Variants in BBX observed in about 807,000 individuals in gnomAD.
The protein encoded by BBX is HMG box transcription factor BBX.
BBX carries 30 observed loss-of-function variants against 100.2 expected under a neutral mutation model. The observed-to-expected ratio is 0.30, with a 90% CI of 0.22 to 0.41. The LOEUF (loss-of-function observed/expected upper bound fraction) is 0.41. Among genes scored for constraint, BBX ranks in the 10% least tolerant of loss-of-function variants. The probability of loss-of-function intolerance (pLI) is 1.00; values close to 1 mark genes in which losing one functional copy is unlikely to be tolerated. For missense variants in BBX, 1,023 were observed against 1,129.8 expected, an observed-to-expected ratio of 0.91 and a Z score of 1.35; for synonymous variants, 376 against 388.1, an observed-to-expected ratio of 0.97 and a Z score of 0.37.
chr3:107,797,062 T>C (rs995342544), intron 15 of BBX, among the ~76,000 whole-genome samples: 1 of 152,034 alleles, frequency 6.6e-6, no homozygotes, highest in East Asian at 1.9e-4. Flanking sequence ...TTTGATGTAA[T>C]TGAAATTATT....
At chr3:107,718,215 TATA>T in intron 5 of BBX, among the ~76,000 whole-genome samples, 1 of 147,832 alleles carries the variant, frequency 6.8e-6, no homozygotes, top group African/African-American at 2.4e-5. Flanking sequence ...ATTATATTAG[TATA>T]ATTATTAATT....
At chr3:107,703,457 C>T (rs993110638) in intron 3 of BBX, among the ~76,000 whole-genome samples, 2 of 152,082 alleles carry the variant, frequency 1.3e-5, no homozygotes, top group African/African-American at 2.4e-5. Flanking sequence ...GGCTAAGTGT[C>T]GTGGAGTGCA....
intron 16 of BBX, 67 bp from the exon 17 acceptor site, chr3:107,801,027 GT>G: frequency 6.8e-7 from 1 of 1,473,260 alleles, no homozygotes. Context: ...CTGGCACAGC[GT>G]TTTCTATGTC....
rs147712292 is a variant in BBX, at chr3:107,548,296, T to G, written c.-84+21898T>G. Among the ~76,000 whole-genome samples the G allele has an allele frequency of 7.1e-4, 108 of 152,308 alleles. 1 individual carries two copies. Among genetic ancestry groups the G allele is most frequent in the African/African-American group, 2.5e-3 (102 of 41,564 alleles). On this transcript the variant is annotated intron_variant, in intron 2 of 17. Coordinates refer to ENST00000325805, the MANE Select transcript of BBX (RefSeq NM_001142568.3). ...ATAAAGCTACTTACTAGTCATAAAT[T>G]TATACTCTTGCTAAAAACACTTTTG...
At chr3:107,694,544 C>A (rs2060433284) in intron 3 of BBX, among the ~76,000 whole-genome samples, 1 of 145,438 alleles carries the variant, frequency 6.9e-6, no homozygotes, top group Non-Finnish European at 1.5e-5. Context: ...AGGGATGAAG[C>A]CCACTTGATC....
At chr3:107,775,819 A>G (rs1485003033) in intron 12 of BBX, among the ~76,000 whole-genome samples, 3 of 152,114 alleles carry the variant, frequency 2.0e-5, no homozygotes, top group Non-Finnish European at 4.4e-5. Context: ...GGTAGAAATT[A>G]TTTCCCATAG....
intron 5 of BBX, among the ~76,000 whole-genome samples, chr3:107,726,809 C>G (rs1221687134): frequency 6.6e-6 from 1 of 152,102 alleles, no homozygotes; most frequent in African/African-American, 2.4e-5. Context: ...AATTCATACT[C>G]TTCTCTCTCC....
chr3:107,693,561 T>A (rs2060342538), intron 3 of BBX, among the ~76,000 whole-genome samples: 1 of 151,754 alleles, frequency 6.6e-6, no homozygotes, highest in African/African-American at 2.4e-5. Context: ...GATCTGTATC[T>A]CTGTTTTGGT....
chr3:107,657,625 A>G (rs905294307), intron 3 of BBX, among the ~76,000 whole-genome samples: 5 of 152,134 alleles, frequency 3.3e-5, no homozygotes, highest in Non-Finnish European at 2.9e-5. Flanking sequence ...GTGGGTGTTC[A>G]CAAGAGTGCT....
intron 2 of BBX, among the ~76,000 whole-genome samples, chr3:107,600,863 G>A (rs1332029603): frequency 2.0e-5 from 3 of 151,950 alleles, no homozygotes; most frequent in Admixed American, 6.6e-5. Flanking sequence ...CTGTCCATGT[G>A]TACCTTGCTT....
intron 2 of BBX, among the ~76,000 whole-genome samples, chr3:107,552,634 T>C (rs2049791798): frequency 6.6e-6 from 1 of 152,198 alleles, no homozygotes; most frequent in African/African-American, 2.4e-5. Context: ...TCAAGTGACT[T>C]CTCTAAATCA....
chr3:107,768,895 T>C (rs548388890), intron 10 of BBX, among the ~76,000 whole-genome samples: 2 of 151,264 alleles, frequency 1.3e-5, no homozygotes, highest in African/African-American at 4.9e-5. Context: ...CAGTGGCACA[T>C]GCCTGTACTT....
intron 2 of BBX, among the ~76,000 whole-genome samples, chr3:107,636,734 T>G (rs965043478): frequency 2.6e-5 from 4 of 152,238 alleles, no homozygotes; most frequent in Non-Finnish European, 5.9e-5. Context: ...ATATTTCCTT[T>G]GCTATTTTGA....
intron 3 of BBX, among the ~76,000 whole-genome samples, chr3:107,687,334 C>CTTT (rs35093419): frequency 6.9e-6 from 1 of 144,860 alleles, no homozygotes; most frequent in Non-Finnish European, 1.5e-5. Flanking sequence ...AGTTAAGTTT[C>CTTT]TTTTTTTTTT....
At chr3:107,799,918 T>A (rs1239173171) in intron 16 of BBX, among the ~76,000 whole-genome samples, 1 of 152,218 alleles carries the variant, frequency 6.6e-6, no homozygotes, top group Non-Finnish European at 1.5e-5. Context: ...TAGGTACTAG[T>A]GGCCTTGGCT....
chr3:107,638,780 TACACACAC>T (rs61081300), intron 2 of BBX, among the ~76,000 whole-genome samples: 9,606 of 99,564 alleles, frequency 0.096, 1,051 homozygotes, highest in African/African-American at 0.19. Flanking sequence ...AAAAAAAGTA[TACACACAC>T]ACACACACAC....
At chr3:107,553,730 G>A (rs973876610) in intron 2 of BBX, among the ~76,000 whole-genome samples, 2 of 152,166 alleles carry the variant, frequency 1.3e-5, no homozygotes, top group Non-Finnish European at 2.9e-5. Context: ...TGTGATTTCT[G>A]ATTACTATCT....
At chr3:107,796,114 G>A (rs1048367971) in intron 15 of BBX, among the ~76,000 whole-genome samples, 2 of 152,154 alleles carry the variant, frequency 1.3e-5, no homozygotes, top group Non-Finnish European at 2.9e-5. Context: ...ATCTCTGAAT[G>A]AAGAAACAGA....
Position 107,805,937 on chromosome 3 carries a change from G to A in BBX, c.*480G>A. On this transcript the variant is annotated 3_prime_UTR_variant, in exon 18 of 18. Coordinates refer to ENST00000325805, the MANE Select transcript of BBX (RefSeq NM_001142568.3). ...GTACATGGAGATTTAAGTTTAAGAT[G>A]GTTTATATAATAGGTTATACCTACA... The A allele has an allele frequency of 6.4e-6, 1 of 156,848 alleles. No individual in the cohort carries two copies. Among genetic ancestry groups the A allele is most frequent in the Non-Finnish European group, 1.4e-5 (1 of 70,872 alleles). 9.7% of individuals were successfully genotyped at this position (156,848 alleles called of 1,614,324 possible). A position where few individuals can be genotyped will look rare whatever the true frequency, so the allele number is the denominator to read the frequency against.
Sources: gnomAD v4.1 joint callset for allele counts (sites outside exome capture counted in the v4.1 genomes callset) on GRCh38, gnomAD v4.1.1 for gene constraint, MANE v1.5 for transcripts, NCBI Gene and HGNC (gene_info 2026-07-23, HGNC 2026-07-21) for gene names.